The following TENM2 variants were observed in gnomAD, a reference collection of about 807,000 sequenced individuals.
The protein encoded by TENM2 is teneurin transmembrane protein 2.
Under a neutral mutation model 245.2 loss-of-function variants are expected in TENM2, and 52 were observed. That is an observed-to-expected ratio of 0.21 (90% CI 0.17 to 0.27). TENM2 has a LOEUF of 0.27. TENM2 is among the 10% of genes least tolerant of loss of function. The probability of loss-of-function intolerance (pLI) is 1.00; values close to 1 mark genes in which losing one functional copy is unlikely to be tolerated. For synonymous variants in TENM2, 1,363 were observed against 1,438.9 expected (o/e 0.95, Z 1.19); for missense variants, 3,046 against 3,666.8 (o/e 0.83, Z 4.37).
At chr5:167,867,689 G>A (rs760279061) in intron 2 of TENM2, among the ~76,000 whole-genome samples, 2 of 152,182 alleles carry the variant, frequency 1.3e-5, no homozygotes, top group East Asian at 1.9e-4. Flanking sequence ...GGCTGATATC[G>A]TCTCATTGAG....
chr5:167,162,237 A>C, the TENM2 span, among the ~76,000 whole-genome samples: 26 of 151,950 alleles, frequency 1.7e-4, no homozygotes, highest in Non-Finnish European at 1.0e-4. Flanking sequence ...AATCTAAGAT[A>C]GTGATCACTG....
intron 2 of TENM2, among the ~76,000 whole-genome samples, chr5:167,812,468 T>C (rs1013591989): frequency 1.3e-5 from 2 of 152,222 alleles, no homozygotes; most frequent in African/African-American, 4.8e-5. Flanking sequence ...CCCAGCATTT[T>C]ATTTGTTGAC....
intron 2 of TENM2, among the ~76,000 whole-genome samples, chr5:167,840,485 T>G (rs1350999491): frequency 6.6e-6 from 1 of 152,176 alleles, no homozygotes; most frequent in Non-Finnish European, 1.5e-5. Flanking sequence ...ATGAACCCGA[T>G]GCAAACTGAA....
chr5:167,025,314 C>T, the TENM2 span, among the ~76,000 whole-genome samples: 2 of 152,090 alleles, frequency 1.3e-5, no homozygotes, highest in Non-Finnish European at 2.9e-5. Context: ...TATTTACTCA[C>T]ATCTTAATTC....
At chr5:167,638,473 G>A (rs1433262167) in intron 2 of TENM2, among the ~76,000 whole-genome samples, 1 of 152,034 alleles carries the variant, frequency 6.6e-6, no homozygotes, top group African/African-American at 2.4e-5. Context: ...AAAACTACTG[G>A]GCTGAGCTTC....
At chr5:167,157,205 G>A in the TENM2 span, among the ~76,000 whole-genome samples, 1 of 152,088 alleles carries the variant, frequency 6.6e-6, no homozygotes, top group African/African-American at 2.4e-5. Flanking sequence ...TCCTGTTACT[G>A]TTCTTCAGCG....
the TENM2 span, among the ~76,000 whole-genome samples, chr5:167,145,620 A>G: frequency 2.0e-5 from 3 of 152,188 alleles, no homozygotes; most frequent in Non-Finnish European, 2.9e-5. Context: ...GGACATTCTC[A>G]TATTATTAAT....
chr5:167,195,768 A>G, the TENM2 span, among the ~76,000 whole-genome samples: 31 of 152,082 alleles, frequency 2.0e-4, 1 homozygote, highest in East Asian at 5.8e-3. Flanking sequence ...AGAAGAAATG[A>G]CAATCATTTA....
intron 2 of TENM2, among the ~76,000 whole-genome samples, chr5:167,718,877 C>T (rs1196721067): frequency 6.6e-6 from 1 of 151,952 alleles, no homozygotes; most frequent in Non-Finnish European, 1.5e-5. Flanking sequence ...GATGATACTA[C>T]TGCCCATTTT....
chr5:168,233,743 T>C (rs1453782256), intron 25 of TENM2, among the ~76,000 whole-genome samples: 1 of 152,184 alleles, frequency 6.6e-6, no homozygotes, highest in Non-Finnish European at 1.5e-5. Context: ...AAAAGAAGTT[T>C]AATTGGACTT....
chr5:167,526,042 G>A (rs1304549766), intron 2 of TENM2, among the ~76,000 whole-genome samples: 1 of 151,788 alleles, frequency 6.6e-6, no homozygotes, highest in Non-Finnish European at 1.5e-5. Flanking sequence ...GGGTCTCCTT[G>A]TAAATGGCCA....
At chr5:167,618,977 C>T (rs976236966) in intron 2 of TENM2, among the ~76,000 whole-genome samples, 1 of 151,954 alleles carries the variant, frequency 6.6e-6, no homozygotes, top group Non-Finnish European at 1.5e-5. Flanking sequence ...TTTAGAAAGA[C>T]AATTGGGGTG....
chr5:167,287,399 G>A (rs753024492), intron 1 of TENM2: 6 of 152,112 alleles, frequency 3.9e-5, no homozygotes, highest in Non-Finnish European at 8.8e-5. Flanking sequence ...TTAGCCTAGA[G>A]GTACATTAAC....
chr5:167,036,696 C>A, the TENM2 span, among the ~76,000 whole-genome samples: 1 of 152,224 alleles, frequency 6.6e-6, no homozygotes, highest in African/African-American at 2.4e-5. Context: ...TAAGAAGAAC[C>A]AAATGACGTT....
intron 2 of TENM2, among the ~76,000 whole-genome samples, chr5:167,830,748 G>A (rs924432406): frequency 7.2e-5 from 11 of 152,160 alleles, no homozygotes; most frequent in Non-Finnish European, 1.5e-4. Context: ...AAACTTGAGA[G>A]CACGTCTGAG....
At chr5:167,835,087 C>T (rs961102559) in intron 2 of TENM2, among the ~76,000 whole-genome samples, 1 of 152,192 alleles carries the variant, frequency 6.6e-6, no homozygotes, top group African/African-American at 2.4e-5. Context: ...GCATGTAGTA[C>T]TCTCAACTTT....
intron 27 of TENM2, among the ~76,000 whole-genome samples, chr5:168,254,971 T>TGGGAG (rs1347188351): frequency 6.6e-6 from 1 of 151,096 alleles, no homozygotes; most frequent in Non-Finnish European, 1.5e-5. Context: ...CTCTTGAACC[T>TGGGAG]GGGAGGCAGA....
chr5:167,518,718 C>G (rs1379820563), intron 2 of TENM2, among the ~76,000 whole-genome samples: 1 of 152,132 alleles, frequency 6.6e-6, no homozygotes, highest in African/African-American at 2.4e-5. Flanking sequence ...CACATCATGA[C>G]AGTGAAAGTG....
chr5:167,180,972 A>G, the TENM2 span, among the ~76,000 whole-genome samples: 48 of 151,892 alleles, frequency 3.2e-4, no homozygotes, highest in African/African-American at 1.1e-3. Context: ...AACAAAAACC[A>G]AAAACAATCC....
Sources: gnomAD v4.1 joint callset for allele counts (sites outside exome capture counted in the v4.1 genomes callset) on GRCh38, gnomAD v4.1.1 for gene constraint, MANE v1.5 for transcripts, NCBI Gene and HGNC (gene_info 2026-07-23, HGNC 2026-07-21) for gene names.